The following CNKSR2 variants were observed in gnomAD, a reference collection of about 807,000 sequenced individuals.
CNKSR2 encodes the protein CNK homolog protein 2.
Under a neutral mutation model 84.4 loss-of-function variants are expected in CNKSR2, and 14 were observed. The ratio of observed to expected loss-of-function variants is 0.17; its 90% confidence interval spans 0.11 to 0.26. The LOEUF (loss-of-function observed/expected upper bound fraction) is 0.26. Ranked by LOEUF, CNKSR2 falls within the 10% of genes least tolerant of loss-of-function variation. CNKSR2 has a pLI of 1.00. For synonymous variants in CNKSR2, 275 were observed against 277.9 expected (o/e 0.99, Z 0.10); for missense variants, 485 against 771.2 (o/e 0.63, Z 4.40).
intron 13 of CNKSR2, among the ~76,000 whole-genome samples, chrX:21,588,287 C>T (rs931582453): frequency 5.4e-5 from 6 of 111,959 alleles, no homozygotes; most frequent in Admixed American, 1.9e-4. Context: ...AGATGCCAAC[C>T]GAGGGCAAAT....
rs928641477 is a variant in CNKSR2 at position 21,391,713 on chromosome X, C to T, written c.64+16752C>T. ...TTGTCTTGGCTATTAACTTTCAGCT[C>T]CTCTTTACTTATGCAGATGTCTACA... On this transcript the variant is annotated intron_variant, in intron 1 of 21. Coordinates refer to ENST00000379510, the MANE Select transcript of CNKSR2 (RefSeq NM_014927.5). 8.0e-5 allele frequency among the ~76,000 whole-genome samples: 9 copies of T among 112,285 alleles called. 1 individual carries two copies. Among genetic ancestry groups the T allele is most frequent in the African/African-American group, 1.9e-4 (6 of 30,934 alleles).
intron 9 of CNKSR2, among the ~76,000 whole-genome samples, chrX:21,519,810 G>A (rs1420889596): frequency 9.0e-6 from 1 of 110,817 alleles, no homozygotes; most frequent in African/African-American, 3.3e-5. Flanking sequence ...AGGAAAGTTT[G>A]TAGTAGTATG....
intron 9 of CNKSR2, among the ~76,000 whole-genome samples, chrX:21,518,041 G>C (rs1167142900): frequency 9.0e-6 from 1 of 111,706 alleles, no homozygotes; most frequent in African/African-American, 3.2e-5. Flanking sequence ...TATTTTTCAA[G>C]TTAATATATG....
intron 4 of CNKSR2, among the ~76,000 whole-genome samples, chrX:21,463,297 G>A (rs1286249823): frequency 1.8e-5 from 2 of 110,865 alleles, no homozygotes; most frequent in Non-Finnish European, 3.8e-5. Context: ...TTCTTTCTTT[G>A]GTGTGTCTTT....
At chrX:21,415,521 A>G (rs1437469758) in intron 1 of CNKSR2, among the ~76,000 whole-genome samples, 22 of 105,831 alleles carry the variant, frequency 2.1e-4, no homozygotes, top group African/African-American at 5.5e-4. Context: ...TCATTGTTCA[A>G]TTCCCACCTA....
chrX:21,481,750 G>A (rs1341831477), intron 5 of CNKSR2, among the ~76,000 whole-genome samples: 1 of 112,039 alleles, frequency 8.9e-6, no homozygotes, highest in East Asian at 2.8e-4. Context: ...CAGCTGCCAT[G>A]TTGTGAGAGG....
At chrX:21,603,411 G>A (rs911009489) in intron 18 of CNKSR2, among the ~76,000 whole-genome samples, 1 of 112,017 alleles carries the variant, frequency 8.9e-6, no homozygotes, top group South Asian at 3.7e-4. Flanking sequence ...TATCTTCTGA[G>A]TACCATTCTA....
At chrX:21,444,979 T>G (rs1292405521) in intron 4 of CNKSR2, among the ~76,000 whole-genome samples, 1 of 111,523 alleles carries the variant, frequency 9.0e-6, no homozygotes, top group Non-Finnish European at 1.9e-5. Context: ...GGGATATAAA[T>G]TATGCTGGAG....
chrX:21,417,498 C>CTGA (rs1163881253), intron 1 of CNKSR2, among the ~76,000 whole-genome samples: 4 of 111,511 alleles, frequency 3.6e-5, no homozygotes, highest in Non-Finnish European at 7.6e-5. Context: ...CTGTCAAATG[C>CTGA]TGAAAGTGGG....
At chrX:21,559,787 G>A (rs2092171840) in intron 11 of CNKSR2, among the ~76,000 whole-genome samples, 1 of 111,480 alleles carries the variant, frequency 9.0e-6, no homozygotes, top group African/African-American at 3.3e-5. Context: ...GGAATATTAG[G>A]TGATCATTTA....
At chrX:21,642,820 C>G in intron 20 of CNKSR2, 1 of 743,597 alleles carries the variant, frequency 1.3e-6, no homozygotes, top group African/African-American at 2.3e-5. Flanking sequence ...TTCTTTCTCA[C>G]AAATGGAATT....
intron 9 of CNKSR2, among the ~76,000 whole-genome samples, chrX:21,518,153 T>A (rs1436906376): frequency 1.8e-5 from 2 of 111,948 alleles, no homozygotes; most frequent in African/African-American, 6.5e-5. Flanking sequence ...GTTTGCCTCA[T>A]TATCTAAGTC....
intron 17 of CNKSR2, among the ~76,000 whole-genome samples, chrX:21,598,848 G>A (rs2092464662): frequency 8.9e-6 from 1 of 112,669 alleles, no homozygotes; most frequent in African/African-American, 3.2e-5. Flanking sequence ...GTTAATAAAT[G>A]TTGCTTGAAT....
chrX:21,604,052 T>A (rs1388211542), intron 18 of CNKSR2, among the ~76,000 whole-genome samples: 7 of 111,689 alleles, frequency 6.3e-5, no homozygotes, highest in African/African-American at 2.3e-4. Flanking sequence ...AAAATCAGAC[T>A]AGTTTTCATC....
At chrX:21,423,519 T>G (rs187124574) in intron 1 of CNKSR2, 17 of 111,966 alleles carry the variant, frequency 1.5e-4, no homozygotes, top group African/African-American at 5.2e-4. Flanking sequence ...AAGAAAATTA[T>G]CCTTCCTTTT....
intron 1 of CNKSR2, among the ~76,000 whole-genome samples, chrX:21,409,290 C>G (rs1044769312): frequency 3.3e-4 from 27 of 82,274 alleles, no homozygotes; most frequent in Non-Finnish European, 5.1e-4. Context: ...GTCTGTCAGA[C>G]TGTTTCTTAG....
chrX:21,606,744 A>T, intron 18 of CNKSR2, 35 bp from the exon 19 acceptor site: 1 of 822,483 alleles, frequency 1.2e-6, no homozygotes, highest in Middle Eastern at 2.8e-4. Flanking sequence ...AACATTTAGT[A>T]GAATGTTGAC....
In CNKSR2 at chrX:21,652,512, G is replaced by C; in HGVS notation, c.3096G>C (p.Thr1032=). 2 of 1,193,972 alleles carry C rather than the reference G, an allele frequency of 1.7e-6. No individual in the cohort carries two copies. The highest frequency in any genetic ancestry group is 2.3e-6 in the Non-Finnish European group (2 of 879,599). ...CACACACTCATTCATACATTGAAAC[G>C]CATGTCTAAATGTATTCTGCCTTCA... ...SLAHTHSYIE[T]HV is the part of the protein sequence containing the mutation. The change falls in exon 22 of 22, where the codon ACG becomes ACC. Residue 1032 remains threonine (T), a synonymous_variant. Transcript: ENST00000379510.
chrX:21,640,216 G>A (rs1442310617), intron 20 of CNKSR2, among the ~76,000 whole-genome samples: 1 of 111,419 alleles, frequency 9.0e-6, no homozygotes, highest in African/African-American at 3.3e-5. Context: ...TCTCTGTGGG[G>A]AAACAAAGGA....
Sources: allele counts gnomAD v4.1 joint callset (sites outside exome capture counted in the v4.1 genomes callset), GRCh38; gene constraint gnomAD v4.1.1; transcripts MANE v1.5; gene names NCBI Gene and HGNC (gene_info 2026-07-23, HGNC 2026-07-21).